Variants in POLD1 observed in about 807,000 individuals in gnomAD.
POLD1 encodes the protein DNA polymerase delta catalytic subunit.
POLD1 carries 79 observed loss-of-function variants against 129.7 expected under a neutral mutation model. The ratio of observed to expected loss-of-function variants is 0.61; its 90% CI spans 0.51 to 0.73. POLD1 has a LOEUF of 0.73. Ranked by LOEUF, POLD1 falls within the 30% of genes least tolerant of loss-of-function variation. The pLI, the probability that POLD1 is intolerant of heterozygous loss-of-function variation, is 0.00. For synonymous variants in POLD1, 714 were observed against 683.3 expected, an observed-to-expected ratio of 1.04 and a Z score of -0.70; for missense variants, 1,338 against 1,595.8, an observed-to-expected ratio of 0.84 and a Z score of 2.75.
In POLD1 at chr19:50,417,263, G is replaced by T; in HGVS notation, c.3212G>T (p.Cys1071Phe). ...CQGSLHEDVICTSRDCPIFYM... is the reference protein window; with the variant it reads ...CQGSLHEDVIFTSRDCPIFYM... ...GGCAGCCTGCACGAGGACGTCATCT[G>T]CACCAGGTGTGTGCCATGTCCCGAC... Residue 1071 changes from cysteine (C) to phenylalanine (F), a missense_variant, in exon 26 of 27, where the codon TGC becomes TTC. Cys to Phe is a radical substitution (Grantham distance 205). Transcript: ENST00000440232. 6.3e-7 allele frequency: 1 copy of T among 1,593,382 alleles called. No individual in the cohort carries two copies. Among genetic ancestry groups the T allele is most frequent in the Non-Finnish European group, 8.5e-7 (1 of 1,173,118 alleles).
Position 50,417,828 on chromosome 19 carries a change from G to C in POLD1, c.3219-14G>C, listed in dbSNP as rs755458518. 2 of 1,558,746 alleles carry C rather than the reference G, an allele frequency of 1.3e-6. No individual in the cohort carries two copies. Among genetic ancestry groups the C allele is most frequent in the Non-Finnish European group, 1.7e-6 (2 of 1,143,220 alleles). ...CTTGGCTGGTCCTGACCCTGCCCCT[G>C]CCCCCACCCGCAGCCGGGACTGCCC... On this transcript the variant is annotated splice_polypyrimidine_tract_variant and intron_variant, in intron 26 of 26. Transcript: ENST00000440232.
At chr19:50,392,723 C>G (rs1273997064) in intron 1 of POLD1, among the ~76,000 whole-genome samples, 2 of 152,136 alleles carry the variant, frequency 1.3e-5, no homozygotes, top group East Asian at 3.8e-4. Context: ...GTGATCCACC[C>G]TCCTTGGCCT....
chr19:50,413,312 G>A, intron 17 of POLD1, 114 bp from the exon 18 acceptor site: 1 of 826,800 alleles, frequency 1.2e-6, no homozygotes, highest in Admixed American at 2.2e-5. Flanking sequence ...AGAGTGGCTT[G>A]TACATAAGCC....
intron 19 of POLD1, 128 bp from the exon 20 acceptor site, chr19:50,414,687 C>T: frequency 2.8e-6 from 2 of 706,638 alleles, no homozygotes; most frequent in Non-Finnish European, 4.4e-6. Flanking sequence ...TCCCACCAGG[C>T]TCAGGGCACG....
At chr19:50,401,649 T>C (rs2038633999) in intron 3 of POLD1, 129 bp from the exon 4 acceptor site, 2 of 986,250 alleles carry the variant, frequency 2.0e-6, no homozygotes, top group Non-Finnish European at 3.1e-6. Context: ...GAGGCTGAAA[T>C]GGACACAGGG....
chr19:50,415,929 G>A (rs1169101745), intron 22 of POLD1, 103 bp downstream of exon 22: 1 of 900,754 alleles, frequency 1.1e-6, no homozygotes, highest in Non-Finnish European at 1.6e-6. Context: ...CCCGTGCCCT[G>A]TGGGGCCCTG....
chr19:50,409,353 A>G lies in POLD1; in HGVS notation c.2006+118A>G, dbSNP rs184358887. ...CCACCCTGCCCTCAGCTGTGCGTGA[A>G]TTAGCACAAGGCATCCCCTCCTGGC... On this transcript the variant is annotated intron_variant, in intron 16 of 26. Transcript: ENST00000440232. This position sits in a 1 kb window ranked among gnomAD's most constrained non-coding sequence, Gnocchi z 5.8. 1.4e-3 allele frequency: 1,706 copies of G among 1,234,842 alleles called. 3 individuals carry two copies. The highest frequency in any genetic ancestry group is 1.8e-3 in the Non-Finnish European group (1,545 of 858,222). 76.5% of individuals were successfully genotyped at this position (1,234,842 alleles called of 1,614,324 possible).
rs879763528 is a variant in POLD1, at chr19:50,391,098, G to A, written c.-2+6708G>A. ...GAGCTGCTGGGTACACCTCCCAGAC[G>A]GGGTGGCGGCCAGGCAGAGGCGCTC... On this transcript the variant is annotated intron_variant, in intron 1 of 26. Transcript: ENST00000440232. 9.8e-4 allele frequency among the ~76,000 whole-genome samples: 149 copies of A among 151,642 alleles called. 4 individuals are homozygous for A. The highest frequency in any genetic ancestry group is 5.4e-3 in the South Asian group (26 of 4,806).
At chr19:50,386,496 T>C (rs976087215) in intron 1 of POLD1, among the ~76,000 whole-genome samples, 9 of 152,228 alleles carry the variant, frequency 5.9e-5, no homozygotes, top group African/African-American at 2.2e-4. Flanking sequence ...GACCCCAACT[T>C]GGGCAAGATG....
Position 50,402,722 on chromosome 19 carries a change from C to T in POLD1, c.951C>T (p.Ile317=), listed in dbSNP as rs771902654. Residue 317 remains isoleucine (I), a synonymous_variant, in exon 8 of 27, where the codon ATC becomes ATT. Transcript: ENST00000440232. ...IAPLRVLSFD[I]ECAGRKGIFP... ...CCTTGCGCGTGCTCAGCTTCGATAT[C>T]GAGTGCGCCGGCCGCAAAGGTCTGT... 2.0e-5 allele frequency: 32 copies of T among 1,594,456 alleles called. No homozygotes were observed. The highest frequency in any genetic ancestry group is 2.2e-4 in the Middle Eastern group (1 of 4,618).
chr19:50,397,453 G>A (rs1373107518), intron 1 of POLD1, among the ~76,000 whole-genome samples: 2 of 149,456 alleles, frequency 1.3e-5, no homozygotes, highest in Admixed American at 1.3e-4. Context: ...GGCCCAGGAT[G>A]GAGTACAATG....
chr19:50,395,738 C>T (rs953519804), intron 1 of POLD1, among the ~76,000 whole-genome samples: 3 of 152,146 alleles, frequency 2.0e-5, no homozygotes, highest in African/African-American at 7.2e-5. Context: ...ATTCCCAATA[C>T]CTTGCAGACA....
intron 1 of POLD1, among the ~76,000 whole-genome samples, chr19:50,392,757 G>A (rs1188157216): frequency 2.0e-5 from 3 of 152,104 alleles, no homozygotes; most frequent in Non-Finnish European, 2.9e-5. Flanking sequence ...GATTACAGGC[G>A]TGAGCCACTG....
At chr19:50,414,396 C>T (rs1248552417) in intron 19 of POLD1, among the ~76,000 whole-genome samples, 2 of 152,256 alleles carry the variant, frequency 1.3e-5, no homozygotes, top group African/African-American at 2.4e-5. Flanking sequence ...ACGCCCAGTT[C>T]TCACACTGTA....
At chr19:50,390,213 A>ATTTCTTTT (rs1261249115) in intron 1 of POLD1, among the ~76,000 whole-genome samples, 1 of 150,490 alleles carries the variant, frequency 6.6e-6, no homozygotes, top group Non-Finnish European at 1.5e-5. Flanking sequence ...CTGGCCAATA[A>ATTTCTTTT]TTTCTTTTTT....
rs2038865446 is a variant in POLD1 at position 50,406,083 on chromosome 19, GGTT to G, written c.1243-95_1243-93del. 4 of 1,452,806 alleles carry G rather than the reference GGTT, an allele frequency of 2.8e-6. No individual in the cohort carries two copies. Among genetic ancestry groups the G allele is most frequent in the East Asian group, 2.3e-5 (1 of 43,750 alleles). 90.0% of individuals were successfully genotyped at this position (1,452,806 alleles called of 1,614,324 possible). A position where few individuals can be genotyped will look rare whatever the true frequency, so the allele number is the denominator to read the frequency against. On this transcript the variant is annotated intron_variant, in intron 10 of 26. Transcript: ENST00000440232. This position sits in a 1 kb window ranked among gnomAD's most constrained non-coding sequence, Gnocchi z 5.5. ...CCCAGGGTTGCTCTCGACCCCCTAG[GGTT>G]GTTATAAGGATGTTGTGGTTGGTCT...
In POLD1 at chr19:50,402,437, C is replaced by T. The variant is rs542342541; in HGVS notation, c.759-17C>T. On this transcript the variant is annotated splice_polypyrimidine_tract_variant and intron_variant, in intron 6 of 26. Coordinates refer to ENST00000440232, the MANE Select transcript of POLD1 (RefSeq NM_002691.4). ...CCCTCGGGCAGCCCCTGTCCACTGA[C>T]CCCCAGCCCCCTCCAGGTTCATGGT... 6.2e-7 allele frequency: 1 copy of T among 1,612,524 alleles called. No individual in the cohort carries two copies. Among genetic ancestry groups the T allele is most frequent in the Non-Finnish European group, 8.5e-7 (1 of 1,179,298 alleles).
chr19:50,417,485 C>T (rs564579674), intron 26 of POLD1, among the ~76,000 whole-genome samples: 78 of 152,304 alleles, frequency 5.1e-4, no homozygotes, highest in South Asian at 2.1e-3. Flanking sequence ...AGGCAGCGCC[C>T]GGCACCCAGT....
chr19:50,386,105 G>A (rs2037962442), intron 1 of POLD1, among the ~76,000 whole-genome samples: 1 of 152,048 alleles, frequency 6.6e-6, no homozygotes, highest in African/African-American at 2.4e-5. Flanking sequence ...TCACCAGAGT[G>A]GTTGATATTC....
Sources: gnomAD v4.1 joint callset for allele counts (sites outside exome capture counted in the v4.1 genomes callset) on GRCh38, gnomAD v4.1.1 for gene constraint, Gnocchi (gnomAD v3.1) non-coding constraint, MANE v1.5 for transcripts, NCBI Gene and HGNC (gene_info 2026-07-23, HGNC 2026-07-21) for gene names.